RARB: variants seen among roughly 807,000 people sequenced by gnomAD.
RARB encodes HBV-activated protein.
RARB carries 17 observed loss-of-function variants against 51.9 expected under a neutral mutation model. That is an observed-to-expected ratio of 0.33 (90% CI 0.22 to 0.49). The LOEUF (loss-of-function observed/expected upper bound fraction) is 0.49, where lower values mean the gene tolerates loss of function less well. Among genes scored for constraint, RARB ranks in the 20% least tolerant of loss-of-function variants. The pLI, the probability that RARB is intolerant of heterozygous loss-of-function variation, is 0.99. For synonymous variants in RARB, 215 were observed against 195.4 expected (o/e 1.10, Z -0.84); for missense variants, 369 against 550.8 (o/e 0.67, Z 3.30).
chr3:25,382,275 A>G (rs9839276), intron 5 of RARB, among the ~76,000 whole-genome samples: 121,754 of 152,162 alleles, frequency 0.8, 49,351 homozygotes, highest in East Asian at 0.99. Flanking sequence ...CAGGACAACT[A>G]GCAATAAATG....
chr3:25,395,872 C>A (rs904381763), intron 5 of RARB, among the ~76,000 whole-genome samples: 1 of 152,142 alleles, frequency 6.6e-6, no homozygotes, highest in Non-Finnish European at 1.5e-5. Flanking sequence ...TCAGAGATAT[C>A]TTCTTGGTTT....
intron 3 of RARB, among the ~76,000 whole-genome samples, chr3:25,530,247 A>G (rs193042157): frequency 6.8e-4 from 103 of 152,312 alleles, no homozygotes; most frequent in Admixed American, 1.5e-3. Flanking sequence ...AGGGGGAAAA[A>G]CAATGGGAAG....
rs1707186345 is a variant in RARB at position 25,398,827 on chromosome 3, T to C, written c.179-62366T>C. ...TGTGTATATAAATGTTCTAATGTTA[T>C]AAAATTATCTACATTAATATATATT... On this transcript the variant is annotated intron_variant, in intron 5 of 11. Coordinates refer to the RARB transcript ENST00000383772. Among the ~76,000 whole-genome samples, 3 of 152,230 alleles carry C rather than the reference T, an allele frequency of 2.0e-5. No individual in the cohort carries two copies. The South Asian group carries it at 6.2e-4, about 32-fold the overall frequency.
At chr3:25,044,227 T>C (rs1045428260) in intron 2 of RARB, among the ~76,000 whole-genome samples, 2 of 152,228 alleles carry the variant, frequency 1.3e-5, no homozygotes, top group African/African-American at 2.4e-5. Flanking sequence ...CAAGGACTAA[T>C]GACAGCTGCA....
At chr3:25,500,805 C>T (rs1480883796) in intron 2 of RARB, among the ~76,000 whole-genome samples, 2 of 151,936 alleles carry the variant, frequency 1.3e-5, no homozygotes, top group Non-Finnish European at 2.9e-5. Flanking sequence ...GGGTAAAAAT[C>T]CTCATATATT....
rs112788043 is a variant in RARB, at chr3:25,448,272, G to A, written c.158-12921G>A. 1.3e-5 allele frequency among the ~76,000 whole-genome samples: 2 copies of A among 152,214 alleles called. 1 individual carries two copies. Among genetic ancestry groups the A allele is most frequent in the African/African-American group, 4.8e-5 (2 of 41,536 alleles). Reference sequence around the variant, plus strand: ...AACCTTGGGGGACTGCTCTCAATTGGAAGGTTGGTGAAAATGTCTTTGAAT... The same window carrying A: ...AACCTTGGGGGACTGCTCTCAATTGAAAGGTTGGTGAAAATGTCTTTGAAT... On this transcript the variant is annotated intron_variant, in intron 1 of 7. Coordinates refer to ENST00000330688, the MANE Select transcript of RARB (RefSeq NM_000965.5).
intron 3 of RARB, among the ~76,000 whole-genome samples, chr3:25,060,892 T>G (rs1698536034): frequency 6.6e-6 from 1 of 151,902 alleles, no homozygotes; most frequent in Non-Finnish European, 1.5e-5. Flanking sequence ...AAGAAAAGAC[T>G]TTTTCTTTTG....
At chr3:25,091,431 G>GA (rs1699197095) in intron 3 of RARB, among the ~76,000 whole-genome samples, 1 of 152,154 alleles carries the variant, frequency 6.6e-6, no homozygotes, top group Admixed American at 6.6e-5. Context: ...GAGAAGCTGT[G>GA]ATTTACCTTT....
chr3:25,341,480 T>G (rs1705225491), intron 5 of RARB, among the ~76,000 whole-genome samples: 1 of 152,148 alleles, frequency 6.6e-6, no homozygotes, highest in Admixed American at 6.5e-5. Context: ...AGAAGAGGTT[T>G]TAAAGCTCTT....
At position 24,913,594 on chromosome 3, in the gene RARB, T is replaced by C. The variant is rs1048745641; in HGVS notation, c.-380+54842T>C. On this transcript the variant is annotated intron_variant, in intron 2 of 11. Transcript: ENST00000383772. Reference sequence around the variant, plus strand: ...ATTGTTACAAAAATGGGTTCCTACTTGTATCTATCTCAATTAGTGGACAAT... The same window carrying C: ...ATTGTTACAAAAATGGGTTCCTACTCGTATCTATCTCAATTAGTGGACAAT... Among the ~76,000 whole-genome samples, 20 of 152,294 alleles carry C rather than the reference T, an allele frequency of 1.3e-4. No individual in the cohort carries two copies. In the South Asian group the frequency reaches 3.9e-3, roughly 30 times the overall value.
At chr3:25,515,828 T>C (rs560839133) in intron 3 of RARB, among the ~76,000 whole-genome samples, 29 of 152,348 alleles carry the variant, frequency 1.9e-4, no homozygotes, top group Middle Eastern at 6.8e-3. Flanking sequence ...TAATCTGATA[T>C]GTACATGCAA....
At chr3:25,263,102 T>C (rs890769461) in intron 5 of RARB, among the ~76,000 whole-genome samples, 1 of 152,202 alleles carries the variant, frequency 6.6e-6, no homozygotes, top group Non-Finnish European at 1.5e-5. Context: ...ATTTGAGTTA[T>C]GCATGTTAAT....
intron 3 of RARB, among the ~76,000 whole-genome samples, chr3:25,556,808 G>C (rs901932869): frequency 1.3e-5 from 2 of 152,200 alleles, no homozygotes; most frequent in African/African-American, 4.8e-5. Flanking sequence ...CCTTACAGCT[G>C]AGGGAGATGC....
chr3:25,002,760 G>A (rs60010645), intron 2 of RARB, among the ~76,000 whole-genome samples: 50,153 of 144,892 alleles, frequency 0.35, 10,557 homozygotes, highest in African/African-American at 0.65. Context: ...GTGTGTGTGT[G>A]TATATATATA....
intron 2 of RARB, among the ~76,000 whole-genome samples, chr3:24,888,355 G>A (rs1408654781): frequency 6.6e-6 from 1 of 152,024 alleles, no homozygotes; most frequent in Admixed American, 6.6e-5. Context: ...TTGTTACGTG[G>A]GTATTAATGG....
chr3:25,326,806 T>C (rs1054149357), intron 5 of RARB, among the ~76,000 whole-genome samples: 7 of 149,570 alleles, frequency 4.7e-5, no homozygotes, highest in African/African-American at 1.2e-4. Flanking sequence ...ACTCACAAAA[T>C]GTAGGATAAA....
At chr3:25,512,020 G>C (rs1697919247) in intron 3 of RARB, among the ~76,000 whole-genome samples, 1 of 152,146 alleles carries the variant, frequency 6.6e-6, no homozygotes. Flanking sequence ...GTGTGATCTT[G>C]GGCAGGTCAC....
intron 2 of RARB, among the ~76,000 whole-genome samples, chr3:25,475,915 A>C (rs1695923994): frequency 6.6e-6 from 1 of 152,180 alleles, no homozygotes; most frequent in South Asian, 2.1e-4. Flanking sequence ...TCAAAATTAC[A>C]ATGGCTTCAA....
At chr3:24,940,712 C>T (rs752380679) in intron 2 of RARB, among the ~76,000 whole-genome samples, 42 of 152,168 alleles carry the variant, frequency 2.8e-4, no homozygotes, top group South Asian at 6.2e-4. Flanking sequence ...GGACCATAGA[C>T]TCCCATTCTG....
Sources: allele counts gnomAD v4.1 joint callset (sites outside exome capture counted in the v4.1 genomes callset), GRCh38; gene constraint gnomAD v4.1.1; transcripts MANE v1.5; gene names NCBI Gene and HGNC (gene_info 2026-07-23, HGNC 2026-07-21).